The following OXR1 variants were observed in gnomAD, a reference collection of about 807,000 sequenced individuals.
The protein encoded by OXR1 is oxidation resistance protein 1.
Under a neutral mutation model 104.6 loss-of-function variants are expected in OXR1, and 41 were observed. The observed-to-expected ratio is 0.39, with a 90% CI of 0.31 to 0.51. OXR1 has a LOEUF of 0.51. OXR1 is among the 20% of genes least tolerant of loss of function. The probability of loss-of-function intolerance (pLI) is 0.77; values close to 1 mark genes in which losing one functional copy is unlikely to be tolerated. For synonymous variants in OXR1, 348 were observed against 348.4 expected, an observed-to-expected ratio of 1.00 and a Z score of 0.01; for missense variants, 955 against 1,031.9, an observed-to-expected ratio of 0.93 and a Z score of 1.02.
intron 11 of OXR1, among the ~76,000 whole-genome samples, chr8:106,724,663 A>T (rs929868868): frequency 2.6e-5 from 4 of 152,162 alleles, no homozygotes; most frequent in African/African-American, 9.7e-5. Flanking sequence ...GGTGATATTG[A>T]TGCCGGCTAA....
intron 1 of OXR1, among the ~76,000 whole-genome samples, chr8:106,270,700 C>G (rs1020963736): frequency 4.0e-5 from 6 of 148,858 alleles, no homozygotes; most frequent in African/African-American, 1.5e-4. Flanking sequence ...CGCGGGAGCC[C>G]GGCCAGGGAC....
intron 11 of OXR1, among the ~76,000 whole-genome samples, chr8:106,729,608 G>A: frequency 6.6e-6 from 1 of 151,934 alleles, no homozygotes; most frequent in Middle Eastern, 3.2e-3. Flanking sequence ...TTATTAACCA[G>A]TATTTATGTA....
chr8:106,460,288 C>G (rs1415934286), intron 2 of OXR1, among the ~76,000 whole-genome samples: 1 of 152,162 alleles, frequency 6.6e-6, no homozygotes, highest in East Asian at 1.9e-4. Flanking sequence ...TCTGCCCTAT[C>G]CTTTAAAAGC....
At chr8:106,385,585 T>C (rs764893819) in intron 2 of OXR1, among the ~76,000 whole-genome samples, 1 of 152,158 alleles carries the variant, frequency 6.6e-6, no homozygotes, top group Non-Finnish European at 1.5e-5. Flanking sequence ...CAATGACAAA[T>C]ATTCTCTCTT....
intron 16 of OXR1, among the ~76,000 whole-genome samples, chr8:106,748,055 C>T (rs377584136): frequency 6.6e-6 from 1 of 152,188 alleles, no homozygotes; most frequent in African/African-American, 2.4e-5. Flanking sequence ...TTTTAAGGCT[C>T]ATGGATTCAG....
intron 2 of OXR1, chr8:106,447,797 C>A: frequency 2.1e-6 from 2 of 936,872 alleles, no homozygotes; most frequent in Non-Finnish European, 3.0e-6. Flanking sequence ...ACACACCGAA[C>A]GGCATATTCT....
chr8:106,433,388 T>G (rs146299072), intron 2 of OXR1, among the ~76,000 whole-genome samples: 1,845 of 152,222 alleles, frequency 0.012, 11 homozygotes, highest in Middle Eastern at 0.048. Context: ...CAGGAGCAAT[T>G]TGGGGAGGTT....
intron 11 of OXR1, among the ~76,000 whole-genome samples, chr8:106,726,637 G>A (rs527776120): frequency 6.6e-6 from 1 of 152,146 alleles, no homozygotes; most frequent in East Asian, 1.9e-4. Flanking sequence ...TCTCTTGCTT[G>A]AAAATAAATT....
intron 2 of OXR1, among the ~76,000 whole-genome samples, chr8:106,415,633 G>A (rs115569611): frequency 0.014 from 2,087 of 151,498 alleles, 43 homozygotes; most frequent in African/African-American, 0.046. Flanking sequence ...ACAGCTCCTG[G>A]CAAACCAAAA....
intron 2 of OXR1, among the ~76,000 whole-genome samples, chr8:106,460,718 GAA>G (rs1221845757): frequency 3.9e-5 from 6 of 152,104 alleles, no homozygotes; most frequent in Admixed American, 3.9e-4. Flanking sequence ...TCTCGTTAAG[GAA>G]AAGACTTTCT....
At chr8:106,308,739 CTT>C (rs1491467928) in intron 1 of OXR1, among the ~76,000 whole-genome samples, 1 of 149,192 alleles carries the variant, frequency 6.7e-6, no homozygotes, top group Non-Finnish European at 1.5e-5. Context: ...AACATTCTCT[CTT>C]GCATAAACTA....
At chr8:106,418,745 G>A (rs1303589824) in intron 2 of OXR1, among the ~76,000 whole-genome samples, 2 of 151,984 alleles carry the variant, frequency 1.3e-5, no homozygotes, top group African/African-American at 4.8e-5. Flanking sequence ...ATAGTTCAGC[G>A]CCACTTTGAA....
At chr8:106,543,076 A>C (rs1297677536) in intron 3 of OXR1, among the ~76,000 whole-genome samples, 1 of 152,128 alleles carries the variant, frequency 6.6e-6, no homozygotes, top group Non-Finnish European at 1.5e-5. Context: ...GGCTGCACCT[A>C]TTGTAGCTTG....
intron 3 of OXR1, among the ~76,000 whole-genome samples, chr8:106,568,173 T>C (rs1282985534): frequency 1.3e-5 from 2 of 152,172 alleles, no homozygotes; most frequent in African/African-American, 4.8e-5. Context: ...GACTCAGATA[T>C]GAATTTAAAT....
intron 1 of OXR1, among the ~76,000 whole-genome samples, chr8:106,281,714 C>T (rs1354117304): frequency 6.7e-6 from 1 of 148,158 alleles, no homozygotes; most frequent in Non-Finnish European, 1.5e-5. Flanking sequence ...AGAGGAGAAT[C>T]GCTTGAACTT....
At chr8:106,634,485 AG>A (rs1242102614) in intron 3 of OXR1, among the ~76,000 whole-genome samples, 1 of 152,158 alleles carries the variant, frequency 6.6e-6, no homozygotes, top group Non-Finnish European at 1.5e-5. Context: ...GAGAAAACTG[AG>A]GTTTAGGGAA....
intron 3 of OXR1, among the ~76,000 whole-genome samples, chr8:106,632,958 G>A (rs942697532): frequency 7.3e-5 from 11 of 150,288 alleles, no homozygotes; most frequent in East Asian, 6.0e-4. Context: ...CCAACCGGCC[G>A]GGTGCGGTGG....
intron 2 of OXR1, among the ~76,000 whole-genome samples, chr8:106,400,463 G>A (rs771272306): frequency 5.3e-5 from 8 of 152,114 alleles, no homozygotes; most frequent in Non-Finnish European, 8.8e-5. Flanking sequence ...TTTTAGACTG[G>A]AAGATTCCCA....
At chr8:106,641,829 C>T (rs1192287984) in intron 3 of OXR1, among the ~76,000 whole-genome samples, 4 of 151,560 alleles carry the variant, frequency 2.6e-5, no homozygotes, top group Admixed American at 2.6e-4. Flanking sequence ...TATATAAGCA[C>T]CAAAAAAACT....
Sources: gnomAD v4.1 joint callset for allele counts (sites outside exome capture counted in the v4.1 genomes callset) on GRCh38, gnomAD v4.1.1 for gene constraint, MANE v1.5 for transcripts, NCBI Gene and HGNC (gene_info 2026-07-23, HGNC 2026-07-21) for gene names.